The following TACR1 variants were observed in gnomAD, a reference collection of about 807,000 sequenced individuals.
TACR1 encodes the protein tachykinin receptor 1, also known as substance-P receptor.
A neutral mutation model predicts 35.8 loss-of-function variants in TACR1; 25 were observed. The observed-to-expected ratio is 0.70, with a 90% CI of 0.51 to 0.98. TACR1 has a LOEUF of 0.98. TACR1 is among the 50% of genes least tolerant of loss of function. The pLI is 0.00. For missense variants in TACR1, 478 were observed against 522.9 expected (o/e 0.91, Z 0.84); for synonymous variants, 195 against 206.7 (o/e 0.94, Z 0.48).
At chr2:75,052,588 A>T (rs1228209793) in intron 3 of TACR1, among the ~76,000 whole-genome samples, 1 of 152,236 alleles carries the variant, frequency 6.6e-6, no homozygotes, top group African/African-American at 2.4e-5. Flanking sequence ...AGCTCTTTAT[A>T]TACTGATTTT....
At chr2:75,097,649 G>A (rs1673450482) in intron 2 of TACR1, among the ~76,000 whole-genome samples, 2 of 152,186 alleles carry the variant, frequency 1.3e-5, no homozygotes, top group South Asian at 4.1e-4. Flanking sequence ...GTCTTGGGGT[G>A]AGCATCTGAC....
intron 1 of TACR1, among the ~76,000 whole-genome samples, chr2:75,183,421 TAAATC>T (rs1246229711): frequency 1.3e-5 from 2 of 152,332 alleles, no homozygotes; most frequent in East Asian, 3.9e-4. Flanking sequence ...TTGAGATCCT[TAAATC>T]AACAGCTATA....
At chr2:75,130,377 G>A (rs1674154020) in intron 1 of TACR1, among the ~76,000 whole-genome samples, 1 of 152,176 alleles carries the variant, frequency 6.6e-6, no homozygotes, top group Non-Finnish European at 1.5e-5. Context: ...CCACCAGATG[G>A]GGTGGCAGGC....
At chr2:75,192,561 A>AT (rs1186966395) in intron 1 of TACR1, among the ~76,000 whole-genome samples, 7 of 152,102 alleles carry the variant, frequency 4.6e-5, no homozygotes, top group African/African-American at 1.7e-4. Context: ...GGCCTCTAGT[A>AT]TTTTCTCTTG....
chr2:75,184,870 C>T (rs1424471513), intron 1 of TACR1, among the ~76,000 whole-genome samples: 2 of 151,704 alleles, frequency 1.3e-5, no homozygotes, highest in African/African-American at 4.8e-5. Flanking sequence ...ACTACATAGA[C>T]TATGCATCAT....
Position 75,199,005 on chromosome 2 carries a change from G to A in TACR1, c.-71C>T. 1 of 1,551,212 alleles carries A rather than the reference G, an allele frequency of 6.4e-7. No homozygotes were observed. The highest frequency in any genetic ancestry group is 8.7e-7 in the Non-Finnish European group (1 of 1,145,712). On this transcript the variant is annotated 5_prime_UTR_variant, in exon 1 of 5. Coordinates refer to ENST00000305249, the MANE Select transcript of TACR1 (RefSeq NM_001058.4). ...TCTGCAGCAGAGTCCTGTGGCTGGC[G>A]CCTGGGGCTCAGGGTCCTTCTAAAG... is the stretch of plus-strand genomic sequence containing the variant.
At chr2:75,075,824 G>T (rs550366558) in intron 2 of TACR1, among the ~76,000 whole-genome samples, 1 of 152,308 alleles carries the variant, frequency 6.6e-6, no homozygotes, top group African/African-American at 2.4e-5. Context: ...AAGTAAATAT[G>T]TTAACATCAG....
chr2:75,052,805 T>C (rs960792236), intron 3 of TACR1, among the ~76,000 whole-genome samples: 2 of 151,746 alleles, frequency 1.3e-5, no homozygotes, highest in African/African-American at 4.8e-5. Context: ...CCTGGGTAGA[T>C]GACAGATCTA....
At chr2:75,196,106 A>G (rs1675965491) in intron 1 of TACR1, among the ~76,000 whole-genome samples, 1 of 152,200 alleles carries the variant, frequency 6.6e-6, no homozygotes. Context: ...GTTATTTTTA[A>G]AGACTTGATT....
intron 2 of TACR1, among the ~76,000 whole-genome samples, chr2:75,055,133 T>G (rs2103786208): frequency 6.6e-6 from 1 of 152,338 alleles, no homozygotes; most frequent in Middle Eastern, 3.4e-3. Flanking sequence ...TTCATGATTA[T>G]TTTATGCAAT....
intron 1 of TACR1, 89 bp from the exon 2 acceptor site, chr2:75,120,857 C>T: frequency 9.7e-7 from 1 of 1,035,820 alleles, no homozygotes; most frequent in Non-Finnish European, 1.4e-6. Flanking sequence ...TAAGAAAATT[C>T]ATAGAAACCC....
chr2:75,177,577 A>T (rs1234136932), intron 1 of TACR1, among the ~76,000 whole-genome samples: 2 of 152,106 alleles, frequency 1.3e-5, no homozygotes, highest in Non-Finnish European at 2.9e-5. Context: ...ACTCATCAGG[A>T]TCTCTAGCCC....
At chr2:75,076,372 A>G (rs899085382) in intron 2 of TACR1, among the ~76,000 whole-genome samples, 18 of 152,358 alleles carry the variant, frequency 1.2e-4, no homozygotes, top group Middle Eastern at 3.4e-3. Context: ...GCAGCTTTGC[A>G]CACACAGAAG....
intron 2 of TACR1, among the ~76,000 whole-genome samples, chr2:75,120,095 C>T (rs1382015496): frequency 1.3e-5 from 2 of 151,858 alleles, no homozygotes; most frequent in South Asian, 2.1e-4. Context: ...AAAGTGAAAG[C>T]AAGTTTATGA....
chr2:75,161,161 AAAAC>A (rs1164899289), intron 1 of TACR1, among the ~76,000 whole-genome samples: 1 of 152,128 alleles, frequency 6.6e-6, no homozygotes, highest in Non-Finnish European at 1.5e-5. Context: ...CAAACCCCCC[AAAAC>A]AAACAAAAAC....
chr2:75,053,832 C>G (rs1390805528), intron 2 of TACR1, 77 bp from the exon 3 acceptor site: 7 of 1,572,432 alleles, frequency 4.5e-6, no homozygotes, highest in African/African-American at 1.4e-5. Flanking sequence ...ATTGTTATTG[C>G]AGTCAAGGTT....
intron 1 of TACR1, among the ~76,000 whole-genome samples, chr2:75,169,333 T>G (rs569770464): frequency 6.6e-6 from 1 of 152,326 alleles, no homozygotes; most frequent in African/African-American, 2.4e-5. Flanking sequence ...ATTGGTTTAG[T>G]TTTTATCTAA....
At chr2:75,143,918 G>T (rs1023606265) in intron 1 of TACR1, among the ~76,000 whole-genome samples, 2 of 152,158 alleles carry the variant, frequency 1.3e-5, no homozygotes, top group African/African-American at 2.4e-5. Flanking sequence ...GGTGAACGGG[G>T]TACATAGTGT....
At chr2:75,170,800 A>G (rs528583305) in intron 1 of TACR1, among the ~76,000 whole-genome samples, 1 of 152,320 alleles carries the variant, frequency 6.6e-6, no homozygotes, top group Non-Finnish European at 1.5e-5. Context: ...TGAACTTGAG[A>G]GAGATGATTT....
Sources: gnomAD v4.1 joint callset for allele counts (sites outside exome capture counted in the v4.1 genomes callset) on GRCh38, gnomAD v4.1.1 for gene constraint, MANE v1.5 for transcripts, NCBI Gene and HGNC (gene_info 2026-07-23, HGNC 2026-07-21) for gene names.